Variants in SGCZ observed in about 807,000 individuals in gnomAD.
SGCZ encodes sarcoglycan zeta.
In SGCZ, 40 loss-of-function variants were observed where a neutral mutation model predicts 41.3. The ratio of observed to expected loss-of-function variants is 0.97; its 90% confidence interval spans 0.75 to 1.26. The LOEUF is 1.26. SGCZ is among the 50% of genes most tolerant of loss of function. The probability of loss-of-function intolerance (pLI) is 0.00; values close to 1 mark genes in which losing one functional copy is unlikely to be tolerated. For missense variants in SGCZ, 552 were observed against 369.8 expected, an observed-to-expected ratio of 1.49 and a Z score of -4.04; for synonymous variants, 206 against 137.5, an observed-to-expected ratio of 1.50 and a Z score of -3.49.
rs1013317158 is a variant in SGCZ at position 14,631,798 on chromosome 8, C to G, written c.40-76872G>C. ...AGTTAGGAAAGATTTCCACATGTCT[C>G]TACCACCAAACACTTGAGAGGCCTT... On this transcript the variant is annotated intron_variant, in intron 1 of 7. Transcript: ENST00000382080. Among the ~76,000 whole-genome samples the G allele has an allele frequency of 5.3e-5, 8 of 152,040 alleles. No homozygotes were observed. In the East Asian group the frequency reaches 1.5e-3, roughly 29 times the overall value.
chr8:15,031,608 G>A (rs1035083720), intron 1 of SGCZ, among the ~76,000 whole-genome samples: 3 of 152,180 alleles, frequency 2.0e-5, no homozygotes, highest in Non-Finnish European at 4.4e-5. Context: ...AAGGTTGGCA[G>A]CTAGTGAGGC....
intron 2 of SGCZ, among the ~76,000 whole-genome samples, chr8:14,376,118 A>C (rs1397269282): frequency 6.6e-6 from 1 of 151,950 alleles, no homozygotes; most frequent in Non-Finnish European, 1.5e-5. Context: ...TCGAGACCAG[A>C]CTGGCCAAGA....
chr8:14,717,044 A>T (rs980636236), intron 1 of SGCZ, among the ~76,000 whole-genome samples: 2 of 152,136 alleles, frequency 1.3e-5, no homozygotes, highest in African/African-American at 4.8e-5. Flanking sequence ...TACATTTTTG[A>T]ATAATGCTCG....
intron 2 of SGCZ, among the ~76,000 whole-genome samples, chr8:14,541,537 C>T (rs1264030577): frequency 1.3e-5 from 2 of 152,060 alleles, no homozygotes; most frequent in African/African-American, 2.4e-5. Context: ...TTTATCCAGT[C>T]TATCATTGAT....
At chr8:14,480,327 T>G (rs181955484) in intron 2 of SGCZ, among the ~76,000 whole-genome samples, 95 of 152,296 alleles carry the variant, frequency 6.2e-4, no homozygotes, top group African/African-American at 2.3e-3. Context: ...CTTGAAATAT[T>G]TTTTCTCTTT....
intron 2 of SGCZ, among the ~76,000 whole-genome samples, chr8:14,376,640 G>A (rs969639339): frequency 6.6e-6 from 1 of 151,844 alleles, no homozygotes; most frequent in African/African-American, 2.4e-5. Context: ...GAGCATAGAA[G>A]CTAAAAAAAA....
At chr8:15,088,615 C>T (rs1205157521) in intron 1 of SGCZ, among the ~76,000 whole-genome samples, 4 of 29,124 alleles carry the variant, frequency 1.4e-4, no homozygotes, top group African/African-American at 2.2e-4. Flanking sequence ...GCTAGGAACT[C>T]CTAAGTTCCT....
chr8:14,567,029 TC>T (rs1463718081), intron 1 of SGCZ, among the ~76,000 whole-genome samples: 2 of 152,140 alleles, frequency 1.3e-5, no homozygotes, highest in Non-Finnish European at 2.9e-5. Context: ...CAGTGCCGGC[TC>T]CCCGGGGCTG....
intron 1 of SGCZ, among the ~76,000 whole-genome samples, chr8:14,933,592 C>T (rs1799989725): frequency 6.6e-6 from 1 of 151,792 alleles, no homozygotes; most frequent in African/African-American, 2.4e-5. Flanking sequence ...CCACCACACT[C>T]GGCTAATTTT....
chr8:14,668,571 A>G (rs1227356994), intron 1 of SGCZ, among the ~76,000 whole-genome samples: 1 of 152,196 alleles, frequency 6.6e-6, no homozygotes, highest in Non-Finnish European at 1.5e-5. Context: ...ACTTTAAAAT[A>G]TAAGTTTTAA....
At chr8:14,346,284 T>A (rs1802889592) in intron 2 of SGCZ, among the ~76,000 whole-genome samples, 1 of 152,044 alleles carries the variant, frequency 6.6e-6, no homozygotes, top group Non-Finnish European at 1.5e-5. Flanking sequence ...AATCTATTAA[T>A]TAAAAAATTC....
intron 6 of SGCZ, among the ~76,000 whole-genome samples, chr8:14,103,083 G>A (rs979168509): frequency 4.6e-5 from 7 of 152,196 alleles, no homozygotes; most frequent in African/African-American, 1.4e-4. Context: ...AACTAATTCT[G>A]TTGGCCCCGT....
Position 14,092,515 on chromosome 8 carries a change from C to G in SGCZ, c.745-1878G>C, listed in dbSNP as rs139011496. Among the ~76,000 whole-genome samples the G allele has an allele frequency of 2.6e-3, 389 of 151,992 alleles. 2 individuals are homozygous for G. Among genetic ancestry groups the G allele is most frequent in the African/African-American group, 8.6e-3 (355 of 41,480 alleles). On this transcript the variant is annotated intron_variant, in intron 7 of 7. Coordinates refer to ENST00000382080, the MANE Select transcript of SGCZ (RefSeq NM_139167.4). ...GGTTTGGCTGTGTCCCCACCCAAACCTCATCTTGAATTGTAACCCCCATAA... is the reference window on the plus strand; with the variant it reads ...GGTTTGGCTGTGTCCCCACCCAAACGTCATCTTGAATTGTAACCCCCATAA...
At chr8:15,165,293 C>G (rs1396099631) in intron 1 of SGCZ, among the ~76,000 whole-genome samples, 1 of 151,586 alleles carries the variant, frequency 6.6e-6, no homozygotes, top group Admixed American at 6.6e-5. Context: ...GTCCTCCCCG[C>G]CCCCACCAAA....
At chr8:14,595,161 T>G (rs922772299) in intron 1 of SGCZ, among the ~76,000 whole-genome samples, 6 of 152,188 alleles carry the variant, frequency 3.9e-5, no homozygotes, top group Non-Finnish European at 7.4e-5. Context: ...CCCTTTCAAG[T>G]GTCCCCCTAG....
At position 15,186,835 on chromosome 8, in the gene SGCZ, G is replaced by A. The variant is rs542098348; in HGVS notation, c.39+50750C>T. ...TTTGCCCAAAGTATTAACTGTGAACGCTTGTTTTTCAGCTAGTGGGTTTTT... is the reference window on the plus strand; with the variant it reads ...TTTGCCCAAAGTATTAACTGTGAACACTTGTTTTTCAGCTAGTGGGTTTTT... On this transcript the variant is annotated intron_variant, in intron 1 of 7. Coordinates refer to ENST00000382080, the MANE Select transcript of SGCZ (RefSeq NM_139167.4). Among the ~76,000 whole-genome samples, 5 of 152,218 alleles carry A rather than the reference G, an allele frequency of 3.3e-5. No individual in the cohort carries two copies. The South Asian group carries it at 8.3e-4, about 25-fold the overall frequency.
intron 5 of SGCZ, among the ~76,000 whole-genome samples, chr8:14,124,917 T>C (rs1453145239): frequency 6.6e-6 from 1 of 152,064 alleles, no homozygotes; most frequent in Non-Finnish European, 1.5e-5. Context: ...GACCAAAAGT[T>C]CCTTAAACTG....
chr8:14,769,465 G>C (rs893587668), intron 1 of SGCZ, among the ~76,000 whole-genome samples: 1 of 152,136 alleles, frequency 6.6e-6, no homozygotes, highest in East Asian at 1.9e-4. Flanking sequence ...TTATGTATCA[G>C]TGCTCATAAA....
chr8:14,337,580 G>C (rs1419257158), intron 2 of SGCZ, among the ~76,000 whole-genome samples: 4 of 152,160 alleles, frequency 2.6e-5, no homozygotes, highest in Non-Finnish European at 5.9e-5. Flanking sequence ...TAAAATACCA[G>C]AATTGCTATG....
Sources: gnomAD v4.1 joint callset for allele counts (sites outside exome capture counted in the v4.1 genomes callset) on GRCh38, gnomAD v4.1.1 for gene constraint, MANE v1.5 for transcripts, NCBI Gene and HGNC (gene_info 2026-07-23, HGNC 2026-07-21) for gene names.